SLMAP: variants seen among roughly 807,000 people sequenced by gnomAD.
SLMAP encodes the protein sarcolemmal membrane-associated protein.
In SLMAP, 44 loss-of-function variants were observed where a neutral mutation model predicts 128.8. The ratio of observed to expected loss-of-function variants is 0.34; its 90% confidence interval spans 0.27 to 0.44. The LOEUF (loss-of-function observed/expected upper bound fraction) is 0.44, where lower values mean the gene tolerates loss of function less well. SLMAP is among the 20% of genes least tolerant of loss of function. SLMAP has a pLI of 1.00. For synonymous variants in SLMAP, 327 were observed against 348.8 expected, an observed-to-expected ratio of 0.94 and a Z score of 0.70; for missense variants, 787 against 985.3, an observed-to-expected ratio of 0.80 and a Z score of 2.69.
At chr3:57,865,393 C>A (rs1333525156) in intron 13 of SLMAP, 101 bp downstream of exon 13, 2 of 467,440 alleles carry the variant, frequency 4.3e-6, no homozygotes, top group Non-Finnish European at 7.4e-6. Flanking sequence ...GAATGAAAAG[C>A]ATGCTCTCAC....
intron 8 of SLMAP, among the ~76,000 whole-genome samples, chr3:57,859,131 G>A (rs985154805): frequency 3.9e-5 from 6 of 151,914 alleles, no homozygotes; most frequent in Non-Finnish European, 7.4e-5. Flanking sequence ...CAAAACCAGC[G>A]TGGCCAACAT....
chr3:57,879,411 A>G (rs920610029), intron 14 of SLMAP, among the ~76,000 whole-genome samples: 1 of 152,178 alleles, frequency 6.6e-6, no homozygotes, highest in Non-Finnish European at 1.5e-5. Context: ...TGCATCAGGT[A>G]CAAATTCAAG....
At chr3:57,783,538 C>T (rs2083469718) in intron 2 of SLMAP, among the ~76,000 whole-genome samples, 1 of 151,758 alleles carries the variant, frequency 6.6e-6, no homozygotes, top group Admixed American at 6.6e-5. Flanking sequence ...CATTAAGATG[C>T]GAGAGGAGAA....
rs1208197672 is a variant in SLMAP, at chr3:57,825,460, C to T, written c.199-5923C>T. On this transcript the variant is annotated intron_variant, in intron 2 of 24. Transcript: ENST00000671191. The stretch of plus-strand genomic sequence containing the variant: ...TTTATTGTGAAAAGATTTTATATTT[C>T]ATCAAATGCCTTTTCTGCATTGAGA... 2.0e-5 allele frequency among the ~76,000 whole-genome samples: 3 copies of T among 147,142 alleles called. No homozygotes were observed. In the East Asian group the frequency reaches 5.9e-4, roughly 29 times the overall value.
intron 2 of SLMAP, among the ~76,000 whole-genome samples, chr3:57,816,152 T>C (rs999071246): frequency 3.9e-5 from 6 of 152,078 alleles, no homozygotes; most frequent in African/African-American, 1.2e-4. Flanking sequence ...TTTGTTTGTT[T>C]GTTTGTTTTG....
chr3:57,902,984 A>G (rs2096431523), intron 17 of SLMAP, among the ~76,000 whole-genome samples: 1 of 152,204 alleles, frequency 6.6e-6, no homozygotes, highest in Non-Finnish European at 1.5e-5. Context: ...ATTTTCATTT[A>G]TTTCTCAGAT....
intron 2 of SLMAP, among the ~76,000 whole-genome samples, chr3:57,815,377 T>A (rs2091713191): frequency 6.6e-6 from 1 of 152,180 alleles, no homozygotes; most frequent in Non-Finnish European, 1.5e-5. Context: ...TTGTATTTGT[T>A]ATAATTGGTT....
chr3:57,912,784 T>G, intron 20 of SLMAP, 83 bp downstream of exon 20: 1 of 997,282 alleles, frequency 1.0e-6, no homozygotes, highest in Non-Finnish European at 1.4e-6. Flanking sequence ...ACATGCAGGC[T>G]TTTTTTTTCT....
intron 10 of SLMAP, among the ~76,000 whole-genome samples, chr3:57,862,709 A>AT (rs1212187955): frequency 3.0e-4 from 46 of 151,772 alleles, no homozygotes; most frequent in Non-Finnish European, 1.5e-4. Flanking sequence ...ATTGATTTGC[A>AT]TAGTCTCCTT....
chr3:57,907,122 T>C (rs979864659), intron 17 of SLMAP, among the ~76,000 whole-genome samples: 1 of 152,086 alleles, frequency 6.6e-6, no homozygotes, highest in Non-Finnish European at 1.5e-5. Flanking sequence ...CTGCCTCTTG[T>C]GTTCAAGCAG....
chr3:57,843,305 C>T (rs1219663485), intron 4 of SLMAP, among the ~76,000 whole-genome samples: 35 of 92,108 alleles, frequency 3.8e-4, no homozygotes, highest in South Asian at 4.4e-4. Flanking sequence ...CTTTCTTTTC[C>T]TTTTTTTTTT....
intron 13 of SLMAP, among the ~76,000 whole-genome samples, chr3:57,870,819 A>G (rs548021165): frequency 6.6e-6 from 1 of 152,344 alleles, no homozygotes; most frequent in South Asian, 2.1e-4. Context: ...TAACACTTCA[A>G]CTTCCAAAAT....
intron 13 of SLMAP, among the ~76,000 whole-genome samples, chr3:57,869,395 A>T (rs1309163429): frequency 6.6e-6 from 1 of 151,296 alleles, no homozygotes; most frequent in African/African-American, 2.4e-5. Context: ...CACACCCAGG[A>T]TTAATACTTT....
At chr3:57,846,794 G>A (rs1311948521) in intron 4 of SLMAP, among the ~76,000 whole-genome samples, 3 of 151,808 alleles carry the variant, frequency 2.0e-5, no homozygotes, top group African/African-American at 7.3e-5. Flanking sequence ...CCAGACCTCA[G>A]GTGATCCTCC....
chr3:57,890,995 GA>G (rs1314724677), intron 15 of SLMAP: 1 of 151,940 alleles, frequency 6.6e-6, no homozygotes, highest in Non-Finnish European at 1.5e-5. Flanking sequence ...CATATTTGGG[GA>G]AAAAATGCAT....
intron 2 of SLMAP, among the ~76,000 whole-genome samples, chr3:57,765,926 C>G (rs1049374716): frequency 5.3e-5 from 8 of 151,502 alleles, no homozygotes; most frequent in Admixed American, 5.3e-4. Flanking sequence ...TTTTTTTTCC[C>G]ACTTAGTTCT....
rs769425357 is a variant in SLMAP at position 57,862,102 on chromosome 3, G to T, written c.966+16G>T. ...TAAATTAAAGGTATGTATTTACTCT[G>T]CCTGAAAGTATGTTAAGCTAATAAT... On this transcript the variant is annotated intron_variant, in intron 10 of 24. Transcript: ENST00000671191. 1.9e-6 allele frequency: 3 copies of T among 1,544,274 alleles called. No homozygotes were observed. The highest frequency in any genetic ancestry group is 1.8e-6 in the Non-Finnish European group (2 of 1,121,606).
chr3:57,907,886 G>C lies in SLMAP; in HGVS notation c.1504G>C (p.Asp502His). Residue 502 changes from aspartate (D) to histidine (H), a missense_variant and splice_region_variant, in exon 18 of 25, where the codon GAC becomes CAC. Asp to His is a moderately conservative substitution (Grantham distance 81, BLOSUM62 -1). This residue lies in a region of SLMAP where 715 missense variants were observed against 843.6 expected (regional missense o/e 0.85). Coordinates refer to ENST00000671191, the MANE Select transcript of SLMAP (RefSeq NM_001377540.1). ...TAAAATAAACATGTTTTTGTCAGAT[G>C]ACTTGCAGGGTGCACAGTCAGAAAT... is the stretch of plus-strand genomic sequence containing the variant. ...PLAKVSLLKDDLQGAQSEIEA... is the reference protein window; with the variant it reads ...PLAKVSLLKDHLQGAQSEIEA... 1.2e-6 allele frequency: 2 copies of C among 1,612,600 alleles called. No homozygotes were observed. Among genetic ancestry groups the C allele is most frequent in the Non-Finnish European group, 1.7e-6 (2 of 1,179,414 alleles).
intron 2 of SLMAP, among the ~76,000 whole-genome samples, chr3:57,770,788 T>C (rs2080687831): frequency 6.6e-6 from 1 of 152,222 alleles, no homozygotes; most frequent in Admixed American, 6.5e-5. Context: ...AGTCAATAGC[T>C]TGTGGCTGTT....
Sources: allele counts gnomAD v4.1 joint callset (sites outside exome capture counted in the v4.1 genomes callset), GRCh38; gene constraint gnomAD v4.1.1; regional missense constraint gnomAD v4.1.1; transcripts MANE v1.5; gene names NCBI Gene and HGNC (gene_info 2026-07-23, HGNC 2026-07-21).